Variants in FOXO1 observed in about 807,000 individuals in gnomAD.
FOXO1 encodes forkhead box protein O1.
A neutral mutation model predicts 44.1 loss-of-function variants in FOXO1; 6 were observed. That is an observed-to-expected ratio of 0.14 (90% CI 0.07 to 0.27). The LOEUF (loss-of-function observed/expected upper bound fraction) is 0.27, where lower values mean the gene tolerates loss of function less well. Ranked by LOEUF, FOXO1 falls within the 10% of genes least tolerant of loss-of-function variation. The probability of loss-of-function intolerance (pLI) is 1.00; values close to 1 mark genes in which losing one functional copy is unlikely to be tolerated. For missense variants in FOXO1, 737 were observed against 888.8 expected, an observed-to-expected ratio of 0.83 and a Z score of 2.17; for synonymous variants, 380 against 362.7, an observed-to-expected ratio of 1.05 and a Z score of -0.54.
At chr13:40,664,839 G>GCCCGCC (rs1440824657) in intron 1 of FOXO1, among the ~76,000 whole-genome samples, 5 of 149,416 alleles carry the variant, frequency 3.3e-5, no homozygotes, top group Admixed American at 2.0e-4. Context: ...CACCGCCCGC[G>GCCCGCC]CCCGCCCCCG....
At position 40,666,221 on chromosome 13, in the gene FOXO1, C is replaced by A; in HGVS notation, c.-9G>T. 1 of 1,401,142 alleles carries A rather than the reference C, an allele frequency of 7.1e-7. No individual in the cohort carries two copies. The highest frequency in any genetic ancestry group is 1.5e-5 in the South Asian group (1 of 67,628). 86.8% of individuals were successfully genotyped at this position (1,401,142 alleles called of 1,614,324 possible). A position where few individuals can be genotyped will look rare whatever the true frequency, so the allele number is the denominator to read the frequency against. On this transcript the variant is annotated 5_prime_UTR_variant, in exon 1 of 3. Transcript: ENST00000379561. ...TGAGGCGCCTCGGCCATGGTGACCC[C>A]CGCCCCTCCCCCAGCCGCAGGAGAG... is the stretch of plus-strand genomic sequence containing the variant.
chr13:40,575,192 A>C (rs1221086462), intron 1 of FOXO1, among the ~76,000 whole-genome samples: 3 of 152,144 alleles, frequency 2.0e-5, no homozygotes, highest in South Asian at 4.2e-4. Context: ...AAAAAATCAA[A>C]AAGTTAGGTG....
At chr13:40,618,317 C>T (rs1876494287) in intron 1 of FOXO1, among the ~76,000 whole-genome samples, 1 of 152,192 alleles carries the variant, frequency 6.6e-6, no homozygotes, top group South Asian at 2.1e-4. Context: ...ATCCACCCAT[C>T]TCACCCTACA....
At chr13:40,639,055 G>A (rs1363739136) in intron 1 of FOXO1, among the ~76,000 whole-genome samples, 1 of 152,148 alleles carries the variant, frequency 6.6e-6, no homozygotes. Context: ...TTAGCCAGGT[G>A]TGGTGGTGCG....
chr13:40,558,628 C>A lies in FOXO1; in HGVS notation c.*421G>T, dbSNP rs780924281. On this transcript the variant is annotated 3_prime_UTR_variant, in exon 3 of 3. Transcript: ENST00000379561. The stretch of plus-strand genomic sequence containing the variant: ...AGACATGAGGCCCATCACAGTATTA[C>A]AAAAAGAGTATAAACTTTCCTTGGA... 8.3e-4 allele frequency: 321 copies of A among 385,300 alleles called. No homozygotes were observed. The highest frequency in any genetic ancestry group is 1.3e-3 in the Non-Finnish European group (277 of 218,214). 23.9% of individuals were successfully genotyped at this position (385,300 alleles called of 1,614,324 possible). A position where few individuals can be genotyped will look rare whatever the true frequency, so the allele number is the denominator to read the frequency against.
Position 40,627,073 on chromosome 13 carries a change from A to T in FOXO1, c.630+38510T>A, listed in dbSNP as rs773816968. ...TTATTTAATTTTCCAGAACACAAGCATTAGAACACTGCAATCACCTTTGCT... is the reference window on the plus strand; with the variant it reads ...TTATTTAATTTTCCAGAACACAAGCTTTAGAACACTGCAATCACCTTTGCT... On this transcript the variant is annotated intron_variant, in intron 1 of 2. Transcript: ENST00000379561. 4.6e-4 allele frequency among the ~76,000 whole-genome samples: 70 copies of T among 152,204 alleles called. 1 individual carries two copies. The highest frequency in any genetic ancestry group is 8.5e-4 in the Non-Finnish European group (58 of 68,040).
intron 1 of FOXO1, among the ~76,000 whole-genome samples, chr13:40,604,309 T>C (rs1318357055): frequency 2.0e-5 from 3 of 152,126 alleles, no homozygotes; most frequent in African/African-American, 7.2e-5. Context: ...TGTATGTGCA[T>C]GTACCTACAT....
intron 1 of FOXO1, among the ~76,000 whole-genome samples, chr13:40,658,767 T>C (rs1877938846): frequency 6.6e-6 from 1 of 152,124 alleles, no homozygotes; most frequent in African/African-American, 2.4e-5. Context: ...CCTAGCACTT[T>C]GGGAGGCCGA....
intron 1 of FOXO1, among the ~76,000 whole-genome samples, chr13:40,576,165 G>C (rs1874734237): frequency 6.6e-6 from 1 of 152,184 alleles, no homozygotes; most frequent in Non-Finnish European, 1.5e-5. Flanking sequence ...AAAAACACTA[G>C]TAAGGTATGT....
At chr13:40,605,688 A>G (rs1480150472) in intron 1 of FOXO1, among the ~76,000 whole-genome samples, 2 of 152,174 alleles carry the variant, frequency 1.3e-5, no homozygotes, top group Non-Finnish European at 2.9e-5. Context: ...TTCCAACCCA[A>G]TGGTGACCTT....
At chr13:40,613,211 G>A (rs1296392097) in intron 1 of FOXO1, among the ~76,000 whole-genome samples, 1 of 152,112 alleles carries the variant, frequency 6.6e-6, no homozygotes, top group African/African-American at 2.4e-5. Context: ...CTTTTTGGAG[G>A]TGGTGTGTGT....
chr13:40,589,071 A>C (rs1352818724), intron 1 of FOXO1, among the ~76,000 whole-genome samples: 1 of 152,218 alleles, frequency 6.6e-6, no homozygotes, highest in Non-Finnish European at 1.5e-5. Flanking sequence ...GAACGACTGC[A>C]TTCCAGCCTG....
At chr13:40,645,732 G>A (rs1877487446) in intron 1 of FOXO1, among the ~76,000 whole-genome samples, 1 of 152,128 alleles carries the variant, frequency 6.6e-6, no homozygotes, top group Admixed American at 6.6e-5. Context: ...AGGGGAGTAG[G>A]AAGTGATCAA....
At chr13:40,563,540 T>C (rs1874129540) in intron 1 of FOXO1, among the ~76,000 whole-genome samples, 1 of 152,106 alleles carries the variant, frequency 6.6e-6, no homozygotes, top group Non-Finnish European at 1.5e-5. Context: ...GATTCCCGGC[T>C]GGAACGGAGC....
intron 1 of FOXO1, among the ~76,000 whole-genome samples, chr13:40,598,367 A>G (rs1341997223): frequency 1.3e-5 from 2 of 152,272 alleles, no homozygotes; most frequent in South Asian, 2.1e-4. Flanking sequence ...AGGGGCATTC[A>G]CACAAATAAA....
intron 1 of FOXO1, among the ~76,000 whole-genome samples, chr13:40,665,284 TC>T (rs1878190855): frequency 6.6e-6 from 1 of 152,128 alleles, no homozygotes; most frequent in South Asian, 2.1e-4. Context: ...CTTTCTCCTT[TC>T]ACTGGCAAAC....
chr13:40,582,233 T>C (rs1874983778), intron 1 of FOXO1, among the ~76,000 whole-genome samples: 1 of 152,226 alleles, frequency 6.6e-6, no homozygotes. Flanking sequence ...AAAAAAATAA[T>C]GTACACATCT....
chr13:40,597,856 A>G (rs1413685659), intron 1 of FOXO1, among the ~76,000 whole-genome samples: 2 of 152,156 alleles, frequency 1.3e-5, no homozygotes, highest in Non-Finnish European at 2.9e-5. Context: ...AAGTAATTTA[A>G]TAATGTGTGT....
At chr13:40,586,326 A>C (rs1875163685) in intron 1 of FOXO1, among the ~76,000 whole-genome samples, 1 of 152,216 alleles carries the variant, frequency 6.6e-6, no homozygotes, top group South Asian at 2.1e-4. Flanking sequence ...AGCCACAGAA[A>C]CAGAAGGAAA....
Sources: allele counts gnomAD v4.1 joint callset (sites outside exome capture counted in the v4.1 genomes callset), GRCh38; gene constraint gnomAD v4.1.1; transcripts MANE v1.5; gene names NCBI Gene and HGNC (gene_info 2026-07-23, HGNC 2026-07-21).